Variants in SLC39A10 observed in about 807,000 individuals in gnomAD.
The protein encoded by SLC39A10 is solute carrier family 39 member 10.
A neutral mutation model predicts 65.1 loss-of-function variants in SLC39A10; 13 were observed. That is an observed-to-expected ratio of 0.20 (90% confidence interval 0.13 to 0.32). The LOEUF is 0.32. Ranked by LOEUF, SLC39A10 falls within the 10% of genes least tolerant of loss-of-function variation. The pLI, the probability that SLC39A10 is intolerant of heterozygous loss-of-function variation, is 1.00. For synonymous variants in SLC39A10, 321 were observed against 342.2 expected (o/e 0.94, Z 0.68); for missense variants, 831 against 1,018.4 (o/e 0.82, Z 2.50).
At chr2:195,692,161 T>C (rs1478573647) in intron 3 of SLC39A10, among the ~76,000 whole-genome samples, 2 of 151,918 alleles carry the variant, frequency 1.3e-5, no homozygotes, top group Non-Finnish European at 2.9e-5. Flanking sequence ...GTTGGCGTAT[T>C]TGGCTTTATT....
chr2:195,682,411 G>T (rs1690359407), intron 2 of SLC39A10, among the ~76,000 whole-genome samples: 2 of 151,970 alleles, frequency 1.3e-5, no homozygotes, highest in South Asian at 4.2e-4. Context: ...CATATATTAA[G>T]ATCTTAGTAT....
chr2:195,675,540 A>G (rs561046131), intron 1 of SLC39A10, among the ~76,000 whole-genome samples: 1 of 152,264 alleles, frequency 6.6e-6, no homozygotes, highest in South Asian at 2.1e-4. Flanking sequence ...GGTTCATGCC[A>G]TTCTCCTCAG....
chr2:195,637,809 T>C (rs1467550655), intron 2 of SLC39A10, among the ~76,000 whole-genome samples: 3 of 152,206 alleles, frequency 2.0e-5, no homozygotes, highest in Non-Finnish European at 2.9e-5. Flanking sequence ...TTAAAAAAGA[T>C]TGAGCTTAGA....
At chr2:195,707,267 A>G (rs1374248989) in intron 4 of SLC39A10, among the ~76,000 whole-genome samples, 1 of 152,126 alleles carries the variant, frequency 6.6e-6, no homozygotes, top group Non-Finnish European at 1.5e-5. Flanking sequence ...GGACACTTCT[A>G]ATTATATGAT....
At chr2:195,666,598 A>G (rs1202709546) in intron 1 of SLC39A10, among the ~76,000 whole-genome samples, 2 of 152,172 alleles carry the variant, frequency 1.3e-5, no homozygotes, top group Non-Finnish European at 2.9e-5. Context: ...AGCTGGGACT[A>G]CAGGCATGGG....
chr2:195,713,590 T>C (rs79515517), intron 6 of SLC39A10, 37 bp downstream of exon 6: 3 of 621,712 alleles, frequency 4.8e-6, no homozygotes, highest in Non-Finnish European at 6.4e-6. Flanking sequence ...AACTTTTTTC[T>C]TTTTTTTTTT....
intron 2 of SLC39A10, among the ~76,000 whole-genome samples, chr2:195,632,445 G>A (rs774776059): frequency 2.6e-5 from 4 of 151,306 alleles, no homozygotes; most frequent in African/African-American, 4.9e-5. Flanking sequence ...GACTACAGGC[G>A]CTTGCCACCA....
intron 9 of SLC39A10, among the ~76,000 whole-genome samples, chr2:195,734,625 G>A (rs1692528971): frequency 6.6e-6 from 1 of 152,180 alleles, no homozygotes; most frequent in Non-Finnish European, 1.5e-5. Flanking sequence ...TTTGAAAAAT[G>A]ACTAATGTGC....
intron 8 of SLC39A10, among the ~76,000 whole-genome samples, chr2:195,723,418 A>T (rs746502173): frequency 2.6e-4 from 40 of 152,336 alleles, no homozygotes; most frequent in African/African-American, 7.9e-4. Context: ...TCTATAGGTA[A>T]TGTAATGTTG....
rs879395270 is a variant in SLC39A10, at chr2:195,728,974, C to CTT, written c.2337+638_2337+639dup. ...CAGTCTTATTTCAAAATTATGCAGC[C>CTT]TTTTTTTTTTTTTTATGAGATAGGG... On this transcript the variant is annotated intron_variant, in intron 9 of 9. Transcript: ENST00000359634. The surrounding 1 kb of genome is among the most constrained non-coding windows in gnomAD (Gnocchi z 4.4). Among the ~76,000 whole-genome samples the CTT allele has an allele frequency of 6.6e-5, 9 of 136,648 alleles. No individual in the cohort carries two copies. Among genetic ancestry groups the CTT allele is most frequent in the South Asian group, 2.4e-4 (1 of 4,208 alleles). 89.6% of individuals were successfully genotyped at this position (136,648 alleles called of 152,430 possible).
intron 2 of SLC39A10, among the ~76,000 whole-genome samples, chr2:195,636,638 A>G (rs1282411587): frequency 6.6e-5 from 10 of 152,182 alleles, no homozygotes; most frequent in Non-Finnish European, 1.0e-4. Flanking sequence ...CTGTAGTCCC[A>G]GCTACTCAGG....
intron 1 of SLC39A10, among the ~76,000 whole-genome samples, chr2:195,666,696 A>AAGCC (rs1174996134): frequency 8.5e-5 from 13 of 152,318 alleles, no homozygotes; most frequent in Admixed American, 5.9e-4. Flanking sequence ...TCCTGGGCTC[A>AAGCC]AGCCATATGC....
At chr2:195,729,469 G>A (rs1363360642) in intron 9 of SLC39A10, among the ~76,000 whole-genome samples, 4 of 152,074 alleles carry the variant, frequency 2.6e-5, no homozygotes, top group East Asian at 3.9e-4. Context: ...GGGGAACACC[G>A]AAGCTATCAA....
intron 8 of SLC39A10, among the ~76,000 whole-genome samples, chr2:195,720,891 A>G (rs934794554): frequency 6.6e-6 from 1 of 152,180 alleles, no homozygotes; most frequent in African/African-American, 2.4e-5. Context: ...GTTCTTATGT[A>G]ATTAAAGTCT....
At chr2:195,620,659 A>G (rs1459040148) in intron 2 of SLC39A10, among the ~76,000 whole-genome samples, 1 of 151,916 alleles carries the variant, frequency 6.6e-6, no homozygotes, top group Non-Finnish European at 1.5e-5. Context: ...ATACTGCCAT[A>G]AAATCCCCAC....
At chr2:195,639,866 C>T (rs990365358) in intron 2 of SLC39A10, among the ~76,000 whole-genome samples, 11 of 152,220 alleles carry the variant, frequency 7.2e-5, no homozygotes, top group African/African-American at 2.4e-4. Context: ...TGCCCAACTG[C>T]TCTTAATACT....
At chr2:195,692,630 T>G (rs906618267) in intron 3 of SLC39A10, among the ~76,000 whole-genome samples, 1 of 152,210 alleles carries the variant, frequency 6.6e-6, no homozygotes, top group Admixed American at 6.5e-5. Flanking sequence ...GTTCTTGATT[T>G]GATTCTCAGC....
intron 3 of SLC39A10, among the ~76,000 whole-genome samples, chr2:195,696,163 T>C (rs1484567899): frequency 2.0e-5 from 3 of 152,204 alleles, no homozygotes; most frequent in African/African-American, 7.2e-5. Flanking sequence ...ATGCCGTTAC[T>C]GAACTGTTTT....
chr2:195,718,417 C>G, intron 8 of SLC39A10, 85 bp downstream of exon 8: 1 of 1,034,358 alleles, frequency 9.7e-7, no homozygotes, highest in Admixed American at 2.0e-5. Context: ...CAGAGATGTT[C>G]AAGCATAAAA....
Sources: allele counts gnomAD v4.1 joint callset (sites outside exome capture counted in the v4.1 genomes callset), GRCh38; gene constraint gnomAD v4.1.1; non-coding constraint Gnocchi (gnomAD v3.1); transcripts MANE v1.5; gene names NCBI Gene and HGNC (gene_info 2026-07-23, HGNC 2026-07-21).